TRIP12: variants seen among roughly 807,000 people sequenced by gnomAD.
TRIP12 encodes the protein E3 ubiquitin-protein ligase TRIP12.
Under a neutral mutation model 244.2 loss-of-function variants are expected in TRIP12, and 25 were observed. The ratio of observed to expected loss-of-function variants is 0.10; its 90% confidence interval spans 0.07 to 0.14. TRIP12 has a LOEUF of 0.14. Ranked by LOEUF, TRIP12 falls within the 10% of genes least tolerant of loss-of-function variation. The probability of loss-of-function intolerance (pLI) is 1.00; values close to 1 mark genes in which losing one functional copy is unlikely to be tolerated. For missense variants in TRIP12, 1,677 were observed against 2,486.4 expected (o/e 0.67, Z 6.92); for synonymous variants, 905 against 873.1 (o/e 1.04, Z -0.64).
At chr2:229,845,421 G>A (rs961188875) in intron 4 of TRIP12, among the ~76,000 whole-genome samples, 1 of 152,118 alleles carries the variant, frequency 6.6e-6, no homozygotes, top group Non-Finnish European at 1.5e-5. Flanking sequence ...ATTCCAGAAA[G>A]TCATAATAAA....
chr2:229,783,048 G>C (rs1247502906), intron 34 of TRIP12, among the ~76,000 whole-genome samples: 1 of 152,214 alleles, frequency 6.6e-6, no homozygotes, highest in Non-Finnish European at 1.5e-5. Flanking sequence ...TTTATTCACG[G>C]ATGATATAAA....
intron 2 of TRIP12, among the ~76,000 whole-genome samples, chr2:229,873,709 T>TG: frequency 6.6e-6 from 1 of 152,212 alleles, no homozygotes; most frequent in East Asian, 1.9e-4. Flanking sequence ...ATATAACTAA[T>TG]GGGGGTTTAA....
chr2:229,893,666 G>T (rs2067974574), intron 1 of TRIP12, among the ~76,000 whole-genome samples: 1 of 152,134 alleles, frequency 6.6e-6, no homozygotes. Context: ...ATATTCTACT[G>T]TATGAATATG....
intron 8 of TRIP12, among the ~76,000 whole-genome samples, chr2:229,821,577 G>T (rs2050067853): frequency 6.6e-6 from 1 of 152,118 alleles, no homozygotes; most frequent in Non-Finnish European, 1.5e-5. Context: ...AAACATTATG[G>T]ACACTGAAAT....
intron 4 of TRIP12, among the ~76,000 whole-genome samples, chr2:229,855,136 G>A (rs576199002): frequency 2.0e-5 from 3 of 152,104 alleles, no homozygotes; most frequent in South Asian, 2.1e-4. Context: ...GCATGGTGGC[G>A]CGTGCCTATA....
At chr2:229,782,885 A>C (rs573700151) in intron 34 of TRIP12, among the ~76,000 whole-genome samples, 35 of 152,200 alleles carry the variant, frequency 2.3e-4, no homozygotes, top group Non-Finnish European at 4.9e-4. Context: ...CAGAACCTCC[A>C]TTAAGAGGTT....
intron 4 of TRIP12, among the ~76,000 whole-genome samples, chr2:229,846,037 G>T (rs556522641): frequency 4.6e-5 from 7 of 151,548 alleles, no homozygotes; most frequent in African/African-American, 1.7e-4. Context: ...AAAAAGGTGG[G>T]GGGGGCAGGT....
intron 1 of TRIP12, among the ~76,000 whole-genome samples, chr2:229,912,003 CA>C (rs1044930466): frequency 6.6e-6 from 1 of 152,048 alleles, no homozygotes; most frequent in African/African-American, 2.4e-5. Context: ...GGACAACTCA[CA>C]AAAAATCATG....
intron 1 of TRIP12, among the ~76,000 whole-genome samples, chr2:229,907,930 C>G (rs2073278363): frequency 6.6e-6 from 1 of 151,606 alleles, no homozygotes; most frequent in Non-Finnish European, 1.5e-5. Context: ...GATATATATA[C>G]TATTTTTACT....
chr2:229,898,538 ATTTAC>A (rs972095445), intron 1 of TRIP12, among the ~76,000 whole-genome samples: 1 of 152,228 alleles, frequency 6.6e-6, no homozygotes, highest in African/African-American at 2.4e-5. Flanking sequence ...TCTCAGGCCA[ATTTAC>A]TTATACACTG....
chr2:229,808,494 G>C (rs1228832343), intron 15 of TRIP12, 125 bp from the exon 16 acceptor site: 7 of 649,392 alleles, frequency 1.1e-5, no homozygotes, highest in East Asian at 8.6e-5. Flanking sequence ...ACATAATGCA[G>C]AAATTAATGT....
At position 229,802,266 on chromosome 2, in the gene TRIP12, A is replaced by T. The variant is rs1407475499; in HGVS notation, c.3192T>A (p.Asp1064Glu). 1 of 1,601,920 alleles carries T rather than the reference A, an allele frequency of 6.2e-7. No individual in the cohort carries two copies. The highest frequency in any genetic ancestry group is 1.3e-5 in the African/African-American group (1 of 74,758). The change falls in exon 21 of 42, where the codon GAT (aspartate) becomes GAA (glutamate). Residue 1064 changes from aspartate to glutamate, a missense_variant. Coordinates refer to ENST00000675903, the MANE Select transcript of TRIP12 (RefSeq NM_001348323.3). ...TTCTTACTTACCCTTGAGGGCTGAG[A>T]TCTAAAGAATCATCCCTGCTGTGCT... The part of the protein sequence containing the change: ...SLQHSRDDSL[D>E]LSPQGRLSDV...
At chr2:229,861,169 T>C (rs764859363) in intron 2 of TRIP12, among the ~76,000 whole-genome samples, 68 of 152,194 alleles carry the variant, frequency 4.5e-4, no homozygotes, top group African/African-American at 1.6e-3. Context: ...TGGAGAAATA[T>C]GGAATTTACC....
At chr2:229,802,163 T>C (rs2044549688) in intron 21 of TRIP12, 89 bp downstream of exon 21, 1 of 962,566 alleles carries the variant, frequency 1.0e-6, no homozygotes, top group East Asian at 2.8e-5. Flanking sequence ...TATGCTAATA[T>C]GTTACCATTT....
In TRIP12 at chr2:229,854,840, A is replaced by C. The variant is rs116049742; in HGVS notation, c.1027+3932T>G. 9.6e-3 allele frequency among the ~76,000 whole-genome samples: 1,459 copies of C among 152,288 alleles called. 25 individuals carry two copies. The highest frequency in any genetic ancestry group is 0.034 in the African/African-American group (1,396 of 41,544). On this transcript the variant is annotated intron_variant, in intron 4 of 41. Transcript: ENST00000675903. The stretch of plus-strand genomic sequence containing the variant: ...GTTCACCCCTATCATTCTGTCCTCA[A>C]GGCCAATTTCTGAGATCAACTGGCC...
chr2:229,776,121 T>C (rs184302905), intron 37 of TRIP12, among the ~76,000 whole-genome samples: 7 of 152,300 alleles, frequency 4.6e-5, no homozygotes, highest in South Asian at 2.1e-4. Context: ...CTTAGGCAGG[T>C]TGCTCAATCT....
intron 13 of TRIP12, 46 bp downstream of exon 13, chr2:229,813,824 T>A (rs2047859179): frequency 3.8e-6 from 5 of 1,302,474 alleles, no homozygotes; most frequent in African/African-American, 1.5e-5. Flanking sequence ...TTAAAAAAAT[T>A]AGTAATAAAA....
chr2:229,784,063 T>C (rs888528689), intron 34 of TRIP12, among the ~76,000 whole-genome samples: 124 of 150,422 alleles, frequency 8.2e-4, no homozygotes, highest in African/African-American at 3.0e-3. Context: ...TGAGCTGAGA[T>C]TGTGCCATTG....
chr2:229,868,991 G>A (rs2062039132), intron 2 of TRIP12, among the ~76,000 whole-genome samples: 1 of 152,160 alleles, frequency 6.6e-6, no homozygotes, highest in African/African-American at 2.4e-5. Flanking sequence ...GGGAAGTTTT[G>A]GAGATTCAAG....
Sources: gnomAD v4.1 joint callset for allele counts (sites outside exome capture counted in the v4.1 genomes callset) on GRCh38, gnomAD v4.1.1 for gene constraint, MANE v1.5 for transcripts, NCBI Gene and HGNC (gene_info 2026-07-23, HGNC 2026-07-21) for gene names.